SLC25A41: variants seen among roughly 807,000 people sequenced by gnomAD.
The protein encoded by SLC25A41 is mitochondrial carrier protein SCaMC-3L.
SLC25A41 carries 35 observed loss-of-function variants against 34.7 expected under a neutral mutation model. The observed-to-expected ratio is 1.01, with a 90% CI of 0.77 to 1.34. The LOEUF (loss-of-function observed/expected upper bound fraction) is 1.34. Ranked by LOEUF, SLC25A41 falls within the 40% of genes most tolerant of loss-of-function variation. The probability of loss-of-function intolerance (pLI) is 0.00; values close to 1 mark genes in which losing one functional copy is unlikely to be tolerated. For synonymous variants in SLC25A41, 190 were observed against 209.9 expected (o/e 0.91, Z 0.82); for missense variants, 492 against 489.8 (o/e 1.00, Z -0.04).
rs778515639 is a variant in SLC25A41, at chr19:6,427,182, C to T, written c.861G>A (p.Ser287=). ...CACAGGTCGTGGATAGCGTCACAGA[C>T]GACAGACTGACCAGGCCACTGGGGT... is the stretch of plus-strand genomic sequence containing the variant. The part of the protein sequence containing the change: ...MGDPSGLVSL[S]SVTLSTTCGQ... The change falls in exon 6 of 7, where the codon TCG becomes TCA. Residue 287 remains serine, a synonymous_variant. Coordinates refer to ENST00000321510, the MANE Select transcript of SLC25A41 (RefSeq NM_173637.4). This position sits in a 1 kb window ranked among gnomAD's most constrained non-coding sequence, Gnocchi z 4.9. The T allele has an allele frequency of 1.6e-5, 26 of 1,612,218 alleles. No individual in the cohort carries two copies. The highest frequency in any genetic ancestry group is 8.9e-5 in the East Asian group (4 of 44,880).
In SLC25A41 at chr19:6,427,156, C is replaced by A. The variant is rs1274141336; in HGVS notation, c.887G>T (p.Gly296Val). The A allele has an allele frequency of 1.2e-6, 2 of 1,610,944 alleles. No individual in the cohort carries two copies. The highest frequency in any genetic ancestry group is 1.3e-5 in the African/African-American group (1 of 75,008). Residue 296 changes from glycine (G) to valine (V), a missense_variant, in exon 6 of 7, where the codon GGC becomes GTC. Coordinates refer to ENST00000321510, the MANE Select transcript of SLC25A41 (RefSeq NM_173637.4). This position sits in a 1 kb window ranked among gnomAD's most constrained non-coding sequence, Gnocchi z 4.9. The stretch of plus-strand genomic sequence containing the variant: ...AGTCAGTGGGTAGCTGGCCATCTGG[C>A]CACAGGTCGTGGATAGCGTCACAGA... ...LSSVTLSTTC[G>V]QMASYPLTLV...
Position 6,429,026 on chromosome 19 carries a change from T to TATATATATATATATA in SLC25A41, c.624+697_624+698insTATATATATATATAT, listed in dbSNP as rs1568349255. Among the ~76,000 whole-genome samples, 20 of 33,080 alleles carry TATATATATATATATA rather than the reference T, an allele frequency of 6.0e-4. 2 individuals carry two copies. Among genetic ancestry groups the TATATATATATATATA allele is most frequent in the African/African-American group, 4.2e-3 (20 of 4,762 alleles). The allele number at this position is 33,080 out of a possible 152,430, so 21.7% of individuals were successfully genotyped here. A position where few individuals can be genotyped will look rare whatever the true frequency, so the allele number is the denominator to read the frequency against. Reference sequence around the variant, plus strand: ...CCAAGGTGTCTGGCCTGAAAATTTATATATATATATATAATATATATATTA... The same window carrying TATATATATATATATA: ...CCAAGGTGTCTGGCCTGAAAATTTATATATATATATATATAATATATATATATAATATATATATTA... On this transcript the variant is annotated intron_variant, in intron 4 of 6. Coordinates refer to ENST00000321510, the MANE Select transcript of SLC25A41 (RefSeq NM_173637.4).
At chr19:6,433,034 T>C (rs1481981709) in intron 1 of SLC25A41, among the ~76,000 whole-genome samples, 1 of 152,046 alleles carries the variant, frequency 6.6e-6, no homozygotes, top group East Asian at 1.9e-4. Flanking sequence ...TAATTAGGAC[T>C]ATATCTAGAC....
intron 1 of SLC25A41, among the ~76,000 whole-genome samples, chr19:6,433,224 AT>A (rs2092293662): frequency 6.6e-6 from 1 of 151,390 alleles, no homozygotes. Flanking sequence ...AAGTTTTGTA[AT>A]TTTAGTAGAG....
At position 6,430,020 on chromosome 19, in the gene SLC25A41, C is replaced by T. The variant is rs200631041; in HGVS notation, c.505G>A (p.Val169Ile). 796 of 1,612,098 alleles carry T rather than the reference C, an allele frequency of 4.9e-4. 1 individual carries two copies. Among genetic ancestry groups the T allele is most frequent in the Non-Finnish European group, 6.0e-4 (702 of 1,179,116 alleles). The change falls in exon 3 of 7, where the codon GTA becomes ATA. Residue 169 changes from valine to isoleucine, a missense_variant. By Grantham distance (29) the Val-to-Ile change is conservative. Coordinates refer to ENST00000321510, the MANE Select transcript of SLC25A41 (RefSeq NM_173637.4). ...CCCTCATTCCCCACCTGCTCGAATACGGAGAACTTGATGGCATACTCAGGA... is the reference window on the plus strand; with the variant it reads ...CCCTCATTCCCCACCTGCTCGAATATGGAGAACTTGATGGCATACTCAGGA... The part of the protein sequence containing the change: ...IAPEYAIKFS[V>I]FEQCKNYFCG...
chr19:6,432,489 T>A (rs1486902669), intron 1 of SLC25A41, among the ~76,000 whole-genome samples: 2 of 148,468 alleles, frequency 1.3e-5, no homozygotes, highest in East Asian at 3.9e-4. Context: ...TTTTTTTTTT[T>A]TTTTTTTTTT....
In SLC25A41 at chr19:6,427,624, T is replaced by G; in HGVS notation, c.625-123A>C. 9.0e-7 allele frequency: 1 copy of G among 1,114,958 alleles called. No homozygotes were observed. Among genetic ancestry groups the G allele is most frequent in the Non-Finnish European group, 1.2e-6 (1 of 822,556 alleles). The allele number at this position is 1,114,958 out of a possible 1,614,324, so 69.1% of individuals were successfully genotyped here. ...GCTCAGGAAGGCAAAGAGCTGGGTTTCAGACCCGGATCTGTCAGATTCCAT... is the reference window on the plus strand; with the variant it reads ...GCTCAGGAAGGCAAAGAGCTGGGTTGCAGACCCGGATCTGTCAGATTCCAT... On this transcript the variant is annotated intron_variant, in intron 4 of 6. Transcript: ENST00000321510. The surrounding 1 kb of genome is among the most constrained non-coding windows in gnomAD (Gnocchi z 4.9).
At position 6,427,350 on chromosome 19, in the gene SLC25A41, T is replaced by G; in HGVS notation, c.776A>C (p.Asp259Ala). The change falls in exon 5 of 7, where the codon GAC becomes GCC. Residue 259 changes from aspartate to alanine, a missense_variant. Asp to Ala is a moderately radical substitution (Grantham distance 126). Transcript: ENST00000321510. This position sits in a 1 kb window ranked among gnomAD's most constrained non-coding sequence, Gnocchi z 4.9. ...GACCCATACCTCATAGACAGCCAGG[T>G]CGGTGCAGGCATAGGGGATGATGCC... ...MLGIIPYACT[D>A]LAVYEMLQCF... 2 of 1,607,690 alleles carry G rather than the reference T, an allele frequency of 1.2e-6. No individual in the cohort carries two copies. Among genetic ancestry groups the G allele is most frequent in the Non-Finnish European group, 1.7e-6 (2 of 1,176,144 alleles).
At chr19:6,431,600 C>T (rs775459278) in intron 2 of SLC25A41, among the ~76,000 whole-genome samples, 3 of 151,874 alleles carry the variant, frequency 2.0e-5, no homozygotes, top group Admixed American at 6.6e-5. Flanking sequence ...CCACCATGCC[C>T]GACTAATTTT....
rs540306609 is a variant in SLC25A41 at position 6,433,586 on chromosome 19, C to T, written c.108G>A (p.Pro36=). Residue 36 remains proline, a synonymous_variant, in exon 1 of 7, where the codon CCG becomes CCA. Transcript: ENST00000321510. ...LIKAPPPPQP[P]PPPPSWNPGC... is the part of the protein sequence containing the mutation. ...CAGGGTTCCAGGATGGGGGTGGAGG[C>T]GGAGGTTGGGGGGGAGGCGGGGCTT... 174 of 1,089,800 alleles carry T rather than the reference C, an allele frequency of 1.6e-4. No homozygotes were observed. In the East Asian group the frequency reaches 3.8e-3, roughly 24 times the overall value. The allele number at this position is 1,089,800 out of a possible 1,614,324, so 67.5% of individuals were successfully genotyped here. A position where few individuals can be genotyped will look rare whatever the true frequency, so the allele number is the denominator to read the frequency against.
At chr19:6,432,735 A>G (rs2092291634) in intron 1 of SLC25A41, among the ~76,000 whole-genome samples, 1 of 150,448 alleles carries the variant, frequency 6.6e-6, no homozygotes, top group African/African-American at 2.4e-5. Context: ...CAATGGTGTG[A>G]TCTCGGCTCA....
intron 2 of SLC25A41, among the ~76,000 whole-genome samples, chr19:6,431,046 GCT>G (rs1239793021): frequency 2.6e-5 from 4 of 151,346 alleles, no homozygotes; most frequent in African/African-American, 9.7e-5. Flanking sequence ...AAACTCTTGG[GCT>G]CAAGCGATCT....
intron 4 of SLC25A41, among the ~76,000 whole-genome samples, 153 bp downstream of exon 4, chr19:6,429,570 AG>A: frequency 2.6e-5 from 1 of 38,168 alleles, no homozygotes; most frequent in South Asian, 1.1e-3. Context: ...GAGGGGAGAC[AG>A]AGGAGGAAGA....
Position 6,426,432 on chromosome 19 carries a change from C to T in SLC25A41, c.1070G>A (p.Ser357Asn). The change falls in exon 7 of 7, where the codon AGC (serine) becomes AAC (asparagine). Residue 357 changes from serine to asparagine, a missense_variant. Physicochemically the swap from Ser to Asn is conservative, Grantham distance 46 (BLOSUM62 1). Coordinates refer to ENST00000321510, the MANE Select transcript of SLC25A41 (RefSeq NM_173637.4). The stretch of plus-strand genomic sequence containing the variant: ...CTTCATGGCTTCGTACACCACATAG[C>T]TGATGCCACCTGCTGGTAAGACCTT... Reference protein sequence around the residue: ...LLKVLPAGGISYVVYEAMKKT... With the variant: ...LLKVLPAGGINYVVYEAMKKT... 3.7e-6 allele frequency: 6 copies of T among 1,613,874 alleles called. No individual in the cohort carries two copies. The highest frequency in any genetic ancestry group is 3.3e-5 in the Admixed American group (2 of 60,022).
chr19:6,426,649 A>G (rs750428658), intron 6 of SLC25A41, 88 bp from the exon 7 acceptor site: 3 of 1,484,358 alleles, frequency 2.0e-6, no homozygotes, highest in Non-Finnish European at 2.7e-6. Flanking sequence ...TGCTGAAGCC[A>G]CGGGTAGGGG....
upstream of SLC25A41, among the ~76,000 whole-genome samples, chr19:6,433,952 C>T (rs556264838): frequency 3.0e-4 from 46 of 151,900 alleles, no homozygotes; most frequent in African/African-American, 9.2e-4. Flanking sequence ...TTATTATTAT[C>T]GTTTTTTTTG....
At position 6,430,089 on chromosome 19, in the gene SLC25A41, G is replaced by A. The variant is rs536107966; in HGVS notation, c.436C>T (p.Arg146Cys). ...LQSMVQEGGF[R>C]SLWRGNGINV... ...ATGCCGTTGCCCCGCCACAGGGAGC[G>A]GAAGCCGCCCTCCTGGACCATGCTC... Residue 146 changes from arginine (R) to cysteine (C), a missense_variant, in exon 3 of 7, where the codon CGC becomes TGC. Physicochemically the swap from Arg to Cys is radical, Grantham distance 180 (BLOSUM62 -3). Coordinates refer to ENST00000321510, the MANE Select transcript of SLC25A41 (RefSeq NM_173637.4). 26 of 1,613,444 alleles carry A rather than the reference G, an allele frequency of 1.6e-5. 1 individual carries two copies. The highest frequency in any genetic ancestry group is 3.3e-4 in the Middle Eastern group (2 of 6,060).
chr19:6,430,879 T>C (rs1227014273), intron 2 of SLC25A41, among the ~76,000 whole-genome samples: 1 of 152,086 alleles, frequency 6.6e-6, no homozygotes, highest in African/African-American at 2.4e-5. Context: ...AGTGGTGCAA[T>C]CACAGCTCAC....
In SLC25A41 at chr19:6,429,756, C is replaced by T; in HGVS notation, c.592G>A (p.Ala198Thr). ...GGGTTGATGAGGGTCTGGGAGATGG[C>T]CACAGCCAGGGAGCCAGCAAGGAGA... ...ERLLAGSLAV[A>T]ISQTLINPME... The change falls in exon 4 of 7, where the codon GCC (alanine) becomes ACC (threonine). Residue 198 changes from alanine (A) to threonine (T), a missense_variant. Transcript: ENST00000321510. 1 of 1,607,892 alleles carries T rather than the reference C, an allele frequency of 6.2e-7. No individual in the cohort carries two copies. The highest frequency in any genetic ancestry group is 8.5e-7 in the Non-Finnish European group (1 of 1,177,668).
Sources: gnomAD v4.1 joint callset for allele counts (sites outside exome capture counted in the v4.1 genomes callset) on GRCh38, gnomAD v4.1.1 for gene constraint, Gnocchi (gnomAD v3.1) non-coding constraint, MANE v1.5 for transcripts, NCBI Gene and HGNC (gene_info 2026-07-23, HGNC 2026-07-21) for gene names.